The following ZNF320 variants were observed in gnomAD, a reference collection of about 807,000 sequenced individuals.
ZNF320 encodes the protein zinc finger protein 320.
A neutral mutation model predicts 6.8 loss-of-function variants in ZNF320; 2 were observed. That is an observed-to-expected ratio of 0.29 (90% CI 0.12 to 0.93). The LOEUF is 0.93. ZNF320 is among the 40% of genes least tolerant of loss of function. The pLI, the probability that ZNF320 is intolerant of heterozygous loss-of-function variation, is 0.55. For synonymous variants in ZNF320, 208 were observed against 203.2 expected (o/e 1.02, Z -0.20); for missense variants, 472 against 611.0 (o/e 0.77, Z 2.40).
upstream of ZNF320, among the ~76,000 whole-genome samples, chr19:52,901,617 C>T (rs539447992): frequency 1.4e-4 from 22 of 152,034 alleles, no homozygotes; most frequent in African/African-American, 3.9e-4. Flanking sequence ...AGTAAGGTGG[C>T]GGGGTTAGGG....
chr19:52,870,755 G>C (rs527258739), intron 5 of ZNF320, among the ~76,000 whole-genome samples: 165 of 152,128 alleles, frequency 1.1e-3, no homozygotes, highest in Non-Finnish European at 1.6e-3. Context: ...AACAGAGGGA[G>C]ACTCAACTAA....
At chr19:52,891,404 G>GCTTCC (rs2064286881) in intron 2 of ZNF320, 58 bp from the exon 3 acceptor site, 1 of 150,940 alleles carries the variant, frequency 6.6e-6, no homozygotes, top group Non-Finnish European at 1.5e-5. Flanking sequence ...AATAAAACCT[G>GCTTCC]AGTAACATGA....
chr19:52,868,740 A>G (rs1329676773), intron 5 of ZNF320, among the ~76,000 whole-genome samples: 1 of 152,134 alleles, frequency 6.6e-6, no homozygotes, highest in Non-Finnish European at 1.5e-5. Context: ...GAACAGAATG[A>G]AATACTACAA....
At chr19:52,882,117 C>A in intron 5 of ZNF320, 134 bp from the exon 6 acceptor site, 1 of 886,702 alleles carries the variant, frequency 1.1e-6, no homozygotes, top group East Asian at 2.7e-5. Flanking sequence ...TTTAGGAACA[C>A]AAAACAAGTA....
upstream of ZNF320, among the ~76,000 whole-genome samples, chr19:52,897,952 G>A (rs2064525599): frequency 6.6e-6 from 1 of 152,198 alleles, no homozygotes; most frequent in African/African-American, 2.4e-5. Context: ...GGCGAAAGCC[G>A]CCAGTGAGGC....
rs1053057163 is a variant in ZNF320, at chr19:52,863,905, T to C, written c.*124A>G. ...ATAACATGCTGGGCATGGTGGCACG[T>C]GCCTGGAATCCCAGCTGTGTACATC... is the stretch of plus-strand genomic sequence containing the variant. On this transcript the variant is annotated 3_prime_UTR_variant, in exon 6 of 6. Transcript: ENST00000673631. 14 of 321,812 alleles carry C rather than the reference T, an allele frequency of 4.4e-5. No homozygotes were observed. The Admixed American group carries it at 5.2e-4, about 12-fold the overall frequency. The allele number at this position is 321,812 out of a possible 1,614,324, so 19.9% of individuals were successfully genotyped here.
chr19:52,860,408 G>A (rs764893980), downstream of ZNF320, among the ~76,000 whole-genome samples: 5 of 151,946 alleles, frequency 3.3e-5, no homozygotes, highest in Non-Finnish European at 4.4e-5. Flanking sequence ...AGACCAGTCT[G>A]GACAACATGG....
chr19:52,901,648 A>C (rs1322598446), upstream of ZNF320, among the ~76,000 whole-genome samples: 2 of 152,178 alleles, frequency 1.3e-5, no homozygotes, highest in Admixed American at 1.3e-4. Context: ...TTCAATGGTT[A>C]TGTGGGGATT....
At chr19:52,871,862 C>A (rs1003457912), downstream of ZNF320, among the ~76,000 whole-genome samples, 1 of 152,120 alleles carries the variant, frequency 6.6e-6, no homozygotes, top group Non-Finnish European at 1.5e-5. Flanking sequence ...ATATTATGGA[C>A]CAGAGGGATT....
At chr19:52,865,151 G>A (rs1221398107) in intron 5 of ZNF320, among the ~76,000 whole-genome samples, 2 of 151,798 alleles carry the variant, frequency 1.3e-5, no homozygotes, top group Non-Finnish European at 2.9e-5. Context: ...ATGAAACAAC[G>A]TCGCTACTAA....
downstream of ZNF320, among the ~76,000 whole-genome samples, chr19:52,873,811 A>G (rs1259379525): frequency 1.3e-5 from 2 of 152,144 alleles, no homozygotes; most frequent in Admixed American, 6.6e-5. Context: ...CCAAGCTCAC[A>G]TCACTAGGTT....
At chr19:52,863,762 G>A (rs10407160) in exon 6 of ZNF320, 4 of 169,834 alleles carry the variant, frequency 2.4e-5, no homozygotes, top group Admixed American at 6.1e-5. Context: ...TGCCAGGTGC[G>A]GTGGCTCAAG....
At chr19:52,899,191 A>G (rs1339178646), upstream of ZNF320, among the ~76,000 whole-genome samples, 2 of 152,210 alleles carry the variant, frequency 1.3e-5, no homozygotes, top group Admixed American at 1.3e-4. Context: ...GAGAGCAGTA[A>G]GCAGCTTTTT....
chr19:52,888,696 C>T (rs1287275207), intron 4 of ZNF320, among the ~76,000 whole-genome samples: 3 of 151,676 alleles, frequency 2.0e-5, no homozygotes, highest in Admixed American at 6.6e-5. Flanking sequence ...TAAATGTTCA[C>T]AAAATAATAA....
At position 52,886,543 on chromosome 19, in the gene ZNF320, T is replaced by C. The variant is rs535367098; in HGVS notation, c.142+1584A>G. 2.6e-5 allele frequency among the ~76,000 whole-genome samples: 4 copies of C among 152,340 alleles called. No individual in the cohort carries two copies. The East Asian group carries it at 7.7e-4, about 29-fold the overall frequency. On this transcript the variant is annotated intron_variant, in intron 5 of 5. Coordinates refer to ENST00000682928, the MANE Select transcript of ZNF320 (RefSeq NM_001351774.2). ...CAATACAACGCACTTCACTTCTGCG[T>C]ACTGAACGGAATGGACACTAATGTG...
At chr19:52,866,869 C>CAAAAAAAAAAA (rs58231328) in intron 5 of ZNF320, among the ~76,000 whole-genome samples, 313 of 108,566 alleles carry the variant, frequency 2.9e-3, no homozygotes, top group Non-Finnish European at 3.7e-3. Context: ...ACAAAACATA[C>CAAAAAAAAAAA]AAAAAAAAAA....
At chr19:52,875,187 C>A (rs1005970063), downstream of ZNF320, among the ~76,000 whole-genome samples, 2 of 151,916 alleles carry the variant, frequency 1.3e-5, no homozygotes. Flanking sequence ...GGCTAAGCTT[C>A]CAGAAATACA....
intron 1 of ZNF320, chr19:52,894,155 G>A (rs1222256498): frequency 6.6e-6 from 1 of 152,184 alleles, no homozygotes; most frequent in Non-Finnish European, 1.5e-5. Flanking sequence ...GGAGGCCGAG[G>A]TGGGTGGATC....
At chr19:52,894,277 C>T (rs2064402370) in intron 1 of ZNF320, 1 of 151,514 alleles carries the variant, frequency 6.6e-6, no homozygotes, top group Admixed American at 6.6e-5. Flanking sequence ...CCCAGGTACT[C>T]TGGAGGCTGA....
Sources: gnomAD v4.1 joint callset for allele counts (sites outside exome capture counted in the v4.1 genomes callset) on GRCh38, gnomAD v4.1.1 for gene constraint, MANE v1.5 for transcripts, NCBI Gene and HGNC (gene_info 2026-07-23, HGNC 2026-07-21) for gene names.